Variants in DPEP3 observed in about 807,000 individuals in gnomAD.
DPEP3 encodes the protein dipeptidase 3.
A neutral mutation model predicts 47.5 loss-of-function variants in DPEP3; 42 were observed. The observed-to-expected ratio is 0.88, with a 90% CI of 0.69 to 1.14. The LOEUF (loss-of-function observed/expected upper bound fraction) is 1.14, where lower values mean the gene tolerates loss of function less well. Ranked by LOEUF, DPEP3 falls within the 50% of genes most tolerant of loss-of-function variation. The pLI is 0.00. For missense variants in DPEP3, 560 were observed against 635.0 expected (o/e 0.88, Z 1.27); for synonymous variants, 276 against 270.2 (o/e 1.02, Z -0.21).
In DPEP3 at chr16:67,978,272, T is replaced by G. The variant is rs748964575; in HGVS notation, c.681A>C (p.Thr227=). 4.3e-6 allele frequency: 7 copies of G among 1,614,114 alleles called. No individual in the cohort carries two copies. Among genetic ancestry groups the G allele is most frequent in the South Asian group, 1.1e-5 (1 of 91,084 alleles). The change falls in exon 4 of 10, where the codon ACA becomes ACC. Residue 227 remains threonine, a synonymous_variant. Transcript: ENST00000268793. This position sits in a 1 kb window ranked among gnomAD's most constrained non-coding sequence, Gnocchi z 4.4. ...TGGCCAGGTGTTATGCTCACCATGG[T>G]GTACTGCAGGTGAAGGTAAGTGTCA... ...RYLTLTFTCS[T]PWAESSTKFR...
In DPEP3 at chr16:67,977,638, G is replaced by T; in HGVS notation, c.933+15C>A. The T allele has an allele frequency of 1.2e-6, 2 of 1,606,180 alleles. No individual in the cohort carries two copies. The highest frequency in any genetic ancestry group is 1.7e-5 in the Admixed American group (1 of 58,710). Reference sequence around the variant, plus strand: ...ATAACACATGCCTAGTTTGAGAGCTGGGATGGCCACTCACCAGAAGCTGCA... The same window carrying T: ...ATAACACATGCCTAGTTTGAGAGCTTGGATGGCCACTCACCAGAAGCTGCA... On this transcript the variant is annotated intron_variant, in intron 6 of 9. Coordinates refer to ENST00000268793, the MANE Select transcript of DPEP3 (RefSeq NM_001370198.1).
chr16:67,979,543 T>G, intron 2 of DPEP3, 96 bp downstream of exon 2: 1 of 1,547,100 alleles, frequency 6.5e-7, no homozygotes, highest in Non-Finnish European at 8.7e-7. Context: ...CATGCCCCAT[T>G]GTATTTAGTC....
chr16:67,976,767 CAA>C lies in DPEP3; in HGVS notation c.1025_1026del (p.Phe342Ter). 1.2e-6 allele frequency: 2 copies of C among 1,613,962 alleles called. No individual in the cohort carries two copies. The highest frequency in any genetic ancestry group is 1.7e-6 in the Non-Finnish European group (2 of 1,179,960). On this transcript the variant is annotated frameshift_variant, in exon 8 of 10. Coordinates refer to ENST00000268793, the MANE Select transcript of DPEP3 (RefSeq NM_001370198.1). LOFTEE classifies it high-confidence loss of function. ...LANVSTVADH[F>X]DHIRAVIGSE... ...GATCCAATGACTGCCCTGATGTGGTCAAAGTGATCTAGGGTGGAGGTGAGGGT... is the reference window on the plus strand; with the variant it reads ...GATCCAATGACTGCCCTGATGTGGTCAGTGATCTAGGGTGGAGGTGAGGGT...
At position 67,978,029 on chromosome 16, in the gene DPEP3, G is replaced by T. The variant is rs760868348; in HGVS notation, c.687-22C>A. On this transcript the variant is annotated intron_variant, in intron 4 of 9. Coordinates refer to ENST00000268793, the MANE Select transcript of DPEP3 (RefSeq NM_001370198.1). This position sits in a 1 kb window ranked among gnomAD's most constrained non-coding sequence, Gnocchi z 4.4. ...TGCCCTGCAGGACAGCCATGGAAGG[G>T]CAATTTAGCTGATCACACCTTGGGC... 6.2e-7 allele frequency: 1 copy of T among 1,613,622 alleles called. No homozygotes were observed. The highest frequency in any genetic ancestry group is 8.5e-7 in the Non-Finnish European group (1 of 1,179,732).
chr16:67,980,476 AG>A lies in DPEP3; in HGVS notation c.-97del. On this transcript the variant is annotated 5_prime_UTR_variant, in exon 1 of 10. Transcript: ENST00000268793. ...ATCATGACGACCCAGCCTCCCGAAG[AG>A]GGGGTTGAAGTCACGCGACTCTGAG... The A allele has an allele frequency of 7.0e-7, 1 of 1,428,414 alleles. No homozygotes were observed. Among genetic ancestry groups the A allele is most frequent in the South Asian group, 1.5e-5 (1 of 66,760 alleles). 88.5% of individuals were successfully genotyped at this position (1,428,414 alleles called of 1,614,324 possible). A position where few individuals can be genotyped will look rare whatever the true frequency, so the allele number is the denominator to read the frequency against.
Position 67,979,693 on chromosome 16 carries a change from G to A in DPEP3, c.360C>T (p.Phe120=). ...TGTCCAGGCTGGTCTGACCATGGCT[G>A]AAATTTCGCAGGTTAACATCCTGAA... ...NVLQDVNLRN[F]SHGQTSLDRL... The change falls in exon 2 of 10, where the codon TTC becomes TTT. Residue 120 remains phenylalanine, a synonymous_variant. Transcript: ENST00000268793. 2 of 1,614,172 alleles carry A rather than the reference G, an allele frequency of 1.2e-6. No homozygotes were observed. Among genetic ancestry groups the A allele is most frequent in the South Asian group, 2.2e-5 (2 of 91,082 alleles).
rs554743775 is a variant in DPEP3, at chr16:67,980,478, G to A, written c.-98C>T. The A allele has an allele frequency of 7.7e-6, 11 of 1,434,608 alleles. No individual in the cohort carries two copies. The African/African-American group carries it at 1.2e-4, about 16-fold the overall frequency. The allele number at this position is 1,434,608 out of a possible 1,614,324, so 88.9% of individuals were successfully genotyped here. ...CATGACGACCCAGCCTCCCGAAGAGGGGGTTGAAGTCACGCGACTCTGAGA... is the reference window on the plus strand; with the variant it reads ...CATGACGACCCAGCCTCCCGAAGAGAGGGTTGAAGTCACGCGACTCTGAGA... On this transcript the variant is annotated 5_prime_UTR_variant, in exon 1 of 10. Coordinates refer to ENST00000268793, the MANE Select transcript of DPEP3 (RefSeq NM_001370198.1).
In DPEP3 at chr16:67,977,710, A is replaced by T. The variant is rs2031228779; in HGVS notation, c.876T>A (p.Ala292=). 5 of 1,613,088 alleles carry T rather than the reference A, an allele frequency of 3.1e-6. No homozygotes were observed. In the African/African-American group the frequency reaches 5.3e-5, roughly 17 times the overall value. ...SQAPVIFSHS[A]ARAVCDNLLN... ...ACAAATTGTCACACACAGCTCTGGCAGCTGAGTGGGAGAAGATCACAGGAG... is the reference window on the plus strand; with the variant it reads ...ACAAATTGTCACACACAGCTCTGGCTGCTGAGTGGGAGAAGATCACAGGAG... Residue 292 remains alanine, a synonymous_variant, in exon 6 of 10, where the codon GCT becomes GCA. Transcript: ENST00000268793.
Position 67,978,110 on chromosome 16 carries a change from C to T in DPEP3, c.687-103G>A. 2 of 1,572,486 alleles carry T rather than the reference C, an allele frequency of 1.3e-6. No homozygotes were observed. Among genetic ancestry groups the T allele is most frequent in the East Asian group, 2.2e-5 (1 of 44,550 alleles). ...ATCCATCCTGCTTCCAGAACAGGTG[C>T]AGAACCAGCTGCTTTCTGGGATTGT... On this transcript the variant is annotated intron_variant, in intron 4 of 9. Transcript: ENST00000268793. The surrounding 1 kb of genome is among the most constrained non-coding windows in gnomAD (Gnocchi z 4.4).
chr16:67,977,912 T>G (rs774576863), intron 5 of DPEP3, 26 bp downstream of exon 5: 3 of 1,613,704 alleles, frequency 1.9e-6, no homozygotes, highest in South Asian at 1.1e-5. Flanking sequence ...AGCAGGTGGG[T>G]TGGGGTACAA....
intron 8 of DPEP3, among the ~76,000 whole-genome samples, chr16:67,976,471 C>G (rs2031197973): frequency 6.6e-6 from 1 of 152,198 alleles, no homozygotes; most frequent in Non-Finnish European, 1.5e-5. Flanking sequence ...TGAGCCCTGC[C>G]TGCGGAGGGG....
At chr16:67,979,492 C>A in intron 2 of DPEP3, 147 bp downstream of exon 2, 2 of 1,272,994 alleles carry the variant, frequency 1.6e-6, no homozygotes, top group East Asian at 2.6e-5. Flanking sequence ...TCTTGGCCTC[C>A]AAGGCCCCAC....
intron 2 of DPEP3, among the ~76,000 whole-genome samples, chr16:67,979,354 C>A (rs1043602920): frequency 6.6e-6 from 1 of 152,216 alleles, no homozygotes; most frequent in African/African-American, 2.4e-5. Context: ...AGTCCATGTG[C>A]TATGTGAATG....
Position 67,980,128 on chromosome 16 carries a change from G to C in DPEP3, c.253C>G (p.Gln85Glu). 1 of 1,612,728 alleles carries C rather than the reference G, an allele frequency of 6.2e-7. No homozygotes were observed. The change falls in exon 1 of 10, where the codon CAG becomes GAG. Residue 85 changes from glutamine to glutamate, a missense_variant. Coordinates refer to ENST00000268793, the MANE Select transcript of DPEP3 (RefSeq NM_001370198.1). ...AGTGGGAAACTCCGCATCAGGGCCT[G>C]CGCGCGACCCCGAAGGTCCAGGGTT... ...PKTLDLRGRA[Q>E]ALMRSFPLVD... is the part of the protein sequence containing the mutation.
Position 67,979,673 on chromosome 16 carries a change from A to G in DPEP3, c.380T>C (p.Leu127Pro). 6.2e-7 allele frequency: 1 copy of G among 1,614,146 alleles called. No homozygotes were observed. Among genetic ancestry groups the G allele is most frequent in the Non-Finnish European group, 8.5e-7 (1 of 1,180,012 alleles). The change falls in exon 2 of 10, where the codon CTG (leucine) becomes CCG (proline). Residue 127 changes from leucine to proline, a missense_variant. Transcript: ENST00000268793. ...CACGAGGCCGTCTCTAAGCCTGTCC[A>G]GGCTGGTCTGACCATGGCTGAAATT... ...LRNFSHGQTS[L>P]DRLRDGLVGA... is the part of the protein sequence containing the mutation.
rs1050817378 is a variant in DPEP3, at chr16:67,980,442, G to A, written c.-62C>T. 1 of 1,471,670 alleles carries A rather than the reference G, an allele frequency of 6.8e-7. No homozygotes were observed. Among genetic ancestry groups the A allele is most frequent in the Non-Finnish European group, 9.0e-7 (1 of 1,112,200 alleles). 91.2% of individuals were successfully genotyped at this position (1,471,670 alleles called of 1,614,324 possible). ...CAGGCGATGGGCAGAGGCCGACAAT[G>A]GGGTCCGGATCATGACGACCCAGCC... On this transcript the variant is annotated 5_prime_UTR_variant, in exon 1 of 10. Coordinates refer to ENST00000268793, the MANE Select transcript of DPEP3 (RefSeq NM_001370198.1).
Position 67,978,253 on chromosome 16 carries a change from G to A in DPEP3, c.686+14C>T. 6.2e-7 allele frequency: 1 copy of A among 1,614,048 alleles called. No individual in the cohort carries two copies. Among genetic ancestry groups the A allele is most frequent in the Non-Finnish European group, 8.5e-7 (1 of 1,179,960 alleles). On this transcript the variant is annotated intron_variant, in intron 4 of 9. Transcript: ENST00000268793. The surrounding 1 kb of genome is among the most constrained non-coding windows in gnomAD (Gnocchi z 4.4). ...ACCATGCCATCTAGCATCCTGGCCA[G>A]GTGTTATGCTCACCATGGTGTACTG...
chr16:67,976,792 G>C lies in DPEP3; in HGVS notation c.1019-17C>G. 1 of 1,612,126 alleles carries C rather than the reference G, an allele frequency of 6.2e-7. No homozygotes were observed. On this transcript the variant is annotated splice_polypyrimidine_tract_variant and intron_variant, in intron 7 of 9. Transcript: ENST00000268793. ...CAAAGTGATCTAGGGTGGAGGTGAGGGTGGGCAGCACTAGGCTAGTTAGAC... is the reference window on the plus strand; with the variant it reads ...CAAAGTGATCTAGGGTGGAGGTGAGCGTGGGCAGCACTAGGCTAGTTAGAC...
At chr16:67,980,048 C>A in intron 1 of DPEP3, 46 bp downstream of exon 1, 1 of 1,565,402 alleles carries the variant, frequency 6.4e-7, no homozygotes, top group Non-Finnish European at 8.6e-7. Flanking sequence ...CTCTCCTGCC[C>A]AAGGGTGTGC....
Sources: gnomAD v4.1 joint callset for allele counts (sites outside exome capture counted in the v4.1 genomes callset) on GRCh38, gnomAD v4.1.1 for gene constraint, Gnocchi (gnomAD v3.1) non-coding constraint, MANE v1.5 for transcripts, NCBI Gene and HGNC (gene_info 2026-07-23, HGNC 2026-07-21) for gene names.